The following KIFAP3 variants were observed in gnomAD, a reference collection of about 807,000 sequenced individuals.
The protein encoded by KIFAP3 is kinesin associated protein 3.
Under a neutral mutation model 106.5 loss-of-function variants are expected in KIFAP3, and 68 were observed. The observed-to-expected ratio is 0.64, with a 90% CI of 0.53 to 0.78. The LOEUF is 0.78. Among genes scored for constraint, KIFAP3 ranks in the 30% least tolerant of loss-of-function variants. The pLI is 0.00. For synonymous variants in KIFAP3, 320 were observed against 311.5 expected, an observed-to-expected ratio of 1.03 and a Z score of -0.29; for missense variants, 780 against 941.8, an observed-to-expected ratio of 0.83 and a Z score of 2.25.
In KIFAP3 at chr1:170,031,877, A is replaced by T; in HGVS notation, c.841+9T>A. ...TTTGTTGCTTTCCTCATTGCTTAGG[A>T]ATTCATACCTCGTAATAGCTGTTCC... On this transcript the variant is annotated intron_variant, in intron 8 of 19. Transcript: ENST00000361580. 1 of 1,563,154 alleles carries T rather than the reference A, an allele frequency of 6.4e-7. No individual in the cohort carries two copies. The highest frequency in any genetic ancestry group is 2.2e-5 in the East Asian group (1 of 44,526).
At chr1:169,955,412 T>C (rs773509553) in intron 18 of KIFAP3, among the ~76,000 whole-genome samples, 4 of 152,192 alleles carry the variant, frequency 2.6e-5, no homozygotes, top group Non-Finnish European at 5.9e-5. Context: ...TGGATATAAG[T>C]ACCCAATAAG....
chr1:169,989,928 T>C (rs1319888289), intron 11 of KIFAP3: 4 of 876,400 alleles, frequency 4.6e-6, no homozygotes, highest in Non-Finnish European at 6.5e-6. Context: ...TCAAGTAACA[T>C]GCATTTAATA....
intron 16 of KIFAP3, among the ~76,000 whole-genome samples, chr1:169,976,917 G>T (rs1247630663): frequency 6.6e-6 from 1 of 151,898 alleles, no homozygotes; most frequent in African/African-American, 2.4e-5. Flanking sequence ...TAGAGATGAG[G>T]CCTCACTATG....
intron 10 of KIFAP3, among the ~76,000 whole-genome samples, chr1:169,996,701 G>A (rs1044877803): frequency 2.0e-5 from 3 of 152,140 alleles, no homozygotes; most frequent in Non-Finnish European, 2.9e-5. Flanking sequence ...CCAAATAAAT[G>A]TAAGTTATCA....
chr1:169,929,056 T>C (rs922087056), intron 19 of KIFAP3, among the ~76,000 whole-genome samples: 2 of 152,160 alleles, frequency 1.3e-5, no homozygotes, highest in Non-Finnish European at 2.9e-5. Context: ...GATGTACTAC[T>C]ACATCGAGAT....
In KIFAP3 at chr1:170,024,445, G is replaced by T; in HGVS notation, c.993C>A (p.Ser331Arg). 1.3e-6 allele frequency: 2 copies of T among 1,588,922 alleles called. No individual in the cohort carries two copies. The highest frequency in any genetic ancestry group is 2.3e-5 in the East Asian group (1 of 43,850). The change falls in exon 9 of 20, where the codon AGC (serine) becomes AGA (arginine). Residue 331 changes from serine to arginine, a missense_variant. Ser to Arg is a moderately radical substitution (Grantham distance 110). Coordinates refer to ENST00000361580, the MANE Select transcript of KIFAP3 (RefSeq NM_014970.4). Reference sequence around the variant, plus strand: ...TATCATTTTTATTCTCCATAAAAATGCTGAGTTTCTTCAAGAATGACACAA... The same window carrying T: ...TATCATTTTTATTCTCCATAAAAATTCTGAGTTTCTTCAAGAATGACACAA... ...ILVVSFLKKL[S>R]IFMENKNDMV...
chr1:170,024,862 AAAC>A (rs1390040496), intron 8 of KIFAP3, among the ~76,000 whole-genome samples: 3 of 152,236 alleles, frequency 2.0e-5, no homozygotes, highest in East Asian at 1.9e-4. Flanking sequence ...AACCAAAATA[AAAC>A]AACGATTCCT....
At chr1:169,992,107 AT>A in intron 11 of KIFAP3, 47 bp downstream of exon 11, 2 of 900,372 alleles carry the variant, frequency 2.2e-6, no homozygotes, top group African/African-American at 1.8e-5. Context: ...AGAGTAAAAA[AT>A]ATATATATTT....
chr1:170,011,105 T>A (rs1668222287), intron 10 of KIFAP3, among the ~76,000 whole-genome samples: 1 of 151,994 alleles, frequency 6.6e-6, no homozygotes, highest in African/African-American at 2.4e-5. Context: ...ATACTTTAAA[T>A]ATTTGATTTA....
chr1:169,960,951 A>T, intron 18 of KIFAP3, 95 bp downstream of exon 18: 1 of 834,038 alleles, frequency 1.2e-6, no homozygotes. Context: ...AAACTAAAAG[A>T]AGTGCTTATT....
At chr1:170,076,682 G>T (rs1671923364), upstream of KIFAP3, among the ~76,000 whole-genome samples, 1 of 152,058 alleles carries the variant, frequency 6.6e-6, no homozygotes, top group South Asian at 2.1e-4. Context: ...TTTTAACAAG[G>T]AAAAGCTCTT....
intron 2 of KIFAP3, among the ~76,000 whole-genome samples, chr1:170,052,848 T>C (rs1274583501): frequency 6.6e-6 from 1 of 152,158 alleles, no homozygotes; most frequent in Non-Finnish European, 1.5e-5. Flanking sequence ...TATCTCAAAA[T>C]AATAAGAGCT....
At chr1:170,004,315 C>T (rs1667825977) in intron 10 of KIFAP3, among the ~76,000 whole-genome samples, 1 of 152,172 alleles carries the variant, frequency 6.6e-6, no homozygotes, top group African/African-American at 2.4e-5. Context: ...CCATCGCCAT[C>T]AAGCTACCAA....
At chr1:170,019,797 C>A (rs116409248) in intron 9 of KIFAP3, among the ~76,000 whole-genome samples, 1 of 152,108 alleles carries the variant, frequency 6.6e-6, no homozygotes, top group Non-Finnish European at 1.5e-5. Flanking sequence ...GCCGCTCACA[C>A]GATTCCTCCT....
chr1:170,059,097 A>C (rs1451234183), intron 1 of KIFAP3, among the ~76,000 whole-genome samples: 1 of 152,212 alleles, frequency 6.6e-6, no homozygotes, highest in Non-Finnish European at 1.5e-5. Flanking sequence ...TCCTAACATC[A>C]CAATTAAAAG....
intron 17 of KIFAP3, among the ~76,000 whole-genome samples, chr1:169,970,798 A>C (rs1041319512): frequency 1.3e-5 from 2 of 152,082 alleles, no homozygotes; most frequent in African/African-American, 4.8e-5. Context: ...TGGTCTTTTT[A>C]GTGAACACCA....
intron 1 of KIFAP3, among the ~76,000 whole-genome samples, chr1:170,073,466 T>C (rs983869251): frequency 1.3e-5 from 2 of 152,222 alleles, no homozygotes; most frequent in African/African-American, 4.8e-5. Context: ...ATAAAAATAT[T>C]CACTGCAAGT....
Position 170,035,463 on chromosome 1 carries a change from C to CA in KIFAP3, c.607dup (p.Cys203LeufsTer16). ...TAATTTTTATACTTACCTGGAGAAA[C>CA]AAAAAAAGATGTAAATTATGTTTGT... On this transcript the variant is annotated frameshift_variant, in exon 6 of 20. Transcript: ENST00000361580. LOFTEE classifies it high-confidence loss of function. 4.4e-6 allele frequency: 7 copies of CA among 1,601,678 alleles called. No individual in the cohort carries two copies. Among genetic ancestry groups the CA allele is most frequent in the South Asian group, 2.2e-5 (2 of 89,560 alleles).
chr1:169,943,123 A>C (rs944744017), intron 19 of KIFAP3, among the ~76,000 whole-genome samples: 1 of 152,114 alleles, frequency 6.6e-6, no homozygotes, highest in Non-Finnish European at 1.5e-5. Context: ...TCCTATTCAG[A>C]ATAAGTGCAA....
Sources: allele counts gnomAD v4.1 joint callset (sites outside exome capture counted in the v4.1 genomes callset), GRCh38; gene constraint gnomAD v4.1.1; transcripts MANE v1.5; gene names NCBI Gene and HGNC (gene_info 2026-07-23, HGNC 2026-07-21).